PDE10A: variants seen among roughly 807,000 people sequenced by gnomAD.
PDE10A encodes phosphodiesterase 10A.
A neutral mutation model predicts 97.7 loss-of-function variants in PDE10A; 39 were observed. The ratio of observed to expected loss-of-function variants is 0.40; its 90% CI spans 0.31 to 0.52. The LOEUF is 0.52. Ranked by LOEUF, PDE10A falls within the 20% of genes least tolerant of loss-of-function variation. PDE10A has a pLI of 0.56. For synonymous variants in PDE10A, 371 were observed against 376.8 expected, an observed-to-expected ratio of 0.98 and a Z score of 0.18; for missense variants, 731 against 1,047.8, an observed-to-expected ratio of 0.70 and a Z score of 4.17.
chr6:165,941,739 C>T (rs1043387079), intron 1 of PDE10A, among the ~76,000 whole-genome samples: 1 of 152,172 alleles, frequency 6.6e-6, no homozygotes, highest in Admixed American at 6.6e-5. Flanking sequence ...TGAACAGATG[C>T]CAGCACCATG....
At chr6:165,823,214 T>C (rs1440061761) in intron 1 of PDE10A, among the ~76,000 whole-genome samples, 2 of 151,594 alleles carry the variant, frequency 1.3e-5, no homozygotes, top group African/African-American at 4.8e-5. Flanking sequence ...CTGTACAAAA[T>C]ATTTTCTTTC....
At chr6:165,917,136 CG>C (rs1035980323) in intron 1 of PDE10A, among the ~76,000 whole-genome samples, 58 of 152,166 alleles carry the variant, frequency 3.8e-4, no homozygotes, top group African/African-American at 1.3e-3. Flanking sequence ...CAGTGGTTGC[CG>C]GCTCCAGACT....
At chr6:165,512,557 T>C (rs564442735) in intron 2 of PDE10A, among the ~76,000 whole-genome samples, 33 of 152,088 alleles carry the variant, frequency 2.2e-4, no homozygotes, top group Middle Eastern at 3.4e-3. Flanking sequence ...TAGTATTCCA[T>C]TACATGAATG....
chr6:165,500,185 T>TACA, intron 2 of PDE10A, among the ~76,000 whole-genome samples: 1 of 151,916 alleles, frequency 6.6e-6, no homozygotes, highest in South Asian at 2.1e-4. Context: ...ACATACATAC[T>TACA]AATAACATAG....
intron 1 of PDE10A, among the ~76,000 whole-genome samples, chr6:165,824,986 A>AG (rs1458197165): frequency 4.0e-5 from 6 of 149,206 alleles, no homozygotes; most frequent in Non-Finnish European, 8.9e-5. Context: ...AAAAAAAAAA[A>AG]AAAATACAAA....
intron 3 of PDE10A, among the ~76,000 whole-genome samples, chr6:165,478,079 G>A (rs1221797916): frequency 2.0e-5 from 3 of 152,108 alleles, no homozygotes; most frequent in East Asian, 1.9e-4. Flanking sequence ...CTCTACCTAC[G>A]AACTTTTCTT....
At chr6:165,958,563 AAGAC>A (rs1266506527) in intron 1 of PDE10A, among the ~76,000 whole-genome samples, 225 of 15,274 alleles carry the variant, frequency 0.015, 17 homozygotes, top group African/African-American at 0.035. Context: ...GAAAGAAAGA[AAGAC>A]AGACAGAAAG....
At chr6:165,347,037 T>C (rs958199451) in intron 18 of PDE10A, among the ~76,000 whole-genome samples, 3 of 152,062 alleles carry the variant, frequency 2.0e-5, no homozygotes, top group African/African-American at 2.4e-5. Flanking sequence ...AAGTAACACA[T>C]AGAATTTGAA....
intron 1 of PDE10A, among the ~76,000 whole-genome samples, chr6:165,551,546 T>G (rs1351280210): frequency 6.6e-6 from 1 of 152,078 alleles, no homozygotes; most frequent in Non-Finnish European, 1.5e-5. Flanking sequence ...AACAGGAAAA[T>G]GAAGCAAAGA....
chr6:165,927,877 A>G (rs1782992994), intron 1 of PDE10A, among the ~76,000 whole-genome samples: 3 of 150,058 alleles, frequency 2.0e-5, no homozygotes, highest in Non-Finnish European at 4.4e-5. Flanking sequence ...TTAAATTTTT[A>G]GTAGAGACGG....
intron 1 of PDE10A, among the ~76,000 whole-genome samples, chr6:165,621,874 T>A (rs1788156223): frequency 6.6e-6 from 1 of 152,188 alleles, no homozygotes; most frequent in Non-Finnish European, 1.5e-5. Context: ...CTCACTGTGA[T>A]GGTTAACTCT....
intron 2 of PDE10A, among the ~76,000 whole-genome samples, chr6:165,501,389 G>A (rs756138759): frequency 6.6e-5 from 10 of 151,966 alleles, no homozygotes; most frequent in South Asian, 2.1e-4. Context: ...GTGAAACCCC[G>A]TCTCTACTAA....
chr6:165,533,810 A>G (rs986431051), intron 2 of PDE10A, among the ~76,000 whole-genome samples: 4 of 151,166 alleles, frequency 2.6e-5, no homozygotes, highest in African/African-American at 9.7e-5. Flanking sequence ...TGTTTTTAAA[A>G]ATCACTTCAG....
chr6:165,505,015 C>CT (rs1254443664), intron 2 of PDE10A, among the ~76,000 whole-genome samples: 2 of 152,182 alleles, frequency 1.3e-5, no homozygotes, highest in African/African-American at 4.8e-5. Context: ...CCTGAGCTTC[C>CT]TATAGACAAG....
At chr6:165,593,625 A>G (rs953937087) in intron 1 of PDE10A, among the ~76,000 whole-genome samples, 3 of 152,226 alleles carry the variant, frequency 2.0e-5, no homozygotes, top group Non-Finnish European at 4.4e-5. Context: ...ATACTGAGAC[A>G]TTACATTAGT....
chr6:165,396,885 A>T (rs541836177), intron 13 of PDE10A, among the ~76,000 whole-genome samples: 1 of 152,322 alleles, frequency 6.6e-6, no homozygotes, highest in South Asian at 2.1e-4. Flanking sequence ...TTTCACCTGC[A>T]CATCAAATTC....
intron 1 of PDE10A, among the ~76,000 whole-genome samples, chr6:165,969,751 G>A (rs1022717058): frequency 7.9e-5 from 12 of 152,138 alleles, no homozygotes; most frequent in South Asian, 4.1e-4. Flanking sequence ...CCCTGAAGGA[G>A]CTCCCACTGC....
intron 1 of PDE10A, among the ~76,000 whole-genome samples, chr6:165,620,510 G>A (rs776169003): frequency 3.9e-5 from 6 of 152,186 alleles, no homozygotes; most frequent in Admixed American, 2.0e-4. Context: ...AGAAACAGCC[G>A]AGGAAATGGT....
intron 8 of PDE10A, 37 bp downstream of exon 8, chr6:165,431,385 C>T: frequency 2.0e-6 from 3 of 1,503,444 alleles, no homozygotes; most frequent in Non-Finnish European, 2.7e-6. Flanking sequence ...CCTCTTCTCC[C>T]TTAGGAAGCC....
Sources: gnomAD v4.1 joint callset for allele counts (sites outside exome capture counted in the v4.1 genomes callset) on GRCh38, gnomAD v4.1.1 for gene constraint, MANE v1.5 for transcripts, NCBI Gene and HGNC (gene_info 2026-07-23, HGNC 2026-07-21) for gene names.